The following CTNNA3 variants were observed in gnomAD, a reference collection of about 807,000 sequenced individuals.
CTNNA3 encodes the protein catenin alpha 3, also known as catenin alpha-3.
A neutral mutation model predicts 95.7 loss-of-function variants in CTNNA3; 76 were observed. The ratio of observed to expected loss-of-function variants is 0.79; its 90% CI spans 0.66 to 0.96. CTNNA3 has a LOEUF of 0.96. Among genes scored for constraint, CTNNA3 ranks in the 40% least tolerant of loss-of-function variants. The pLI is 0.00. For synonymous variants in CTNNA3, 431 were observed against 374.4 expected, an observed-to-expected ratio of 1.15 and a Z score of -1.74; for missense variants, 1,191 against 1,089.8, an observed-to-expected ratio of 1.09 and a Z score of -1.31.
chr10:66,819,544 G>A (rs550766181), intron 7 of CTNNA3, among the ~76,000 whole-genome samples: 1 of 151,226 alleles, frequency 6.6e-6, no homozygotes, highest in Non-Finnish European at 1.5e-5. Context: ...ACCCAATCAA[G>A]AAATTGAAAA....
At chr10:66,501,404 C>T (rs1180564924) in intron 11 of CTNNA3, among the ~76,000 whole-genome samples, 1 of 152,086 alleles carries the variant, frequency 6.6e-6, no homozygotes, top group East Asian at 1.9e-4. Flanking sequence ...CCAACAGAAC[C>T]TATTTTAACA....
At chr10:66,194,697 C>T (rs895885812) in intron 13 of CTNNA3, among the ~76,000 whole-genome samples, 2 of 152,144 alleles carry the variant, frequency 1.3e-5, no homozygotes, top group East Asian at 1.9e-4. Context: ...TCTTTTTTCT[C>T]AGATTTATGG....
At chr10:67,218,786 T>C (rs1225475362) in intron 6 of CTNNA3, among the ~76,000 whole-genome samples, 3 of 152,258 alleles carry the variant, frequency 2.0e-5, no homozygotes, top group Non-Finnish European at 4.4e-5. Context: ...CCTGGGTTAC[T>C]ACAATAGCCT....
chr10:67,329,936 G>A (rs2620925), intron 5 of CTNNA3, among the ~76,000 whole-genome samples: 113,009 of 152,114 alleles, frequency 0.74, 44,832 homozygotes, highest in Non-Finnish European at 0.88. Flanking sequence ...CACCTTAGGT[G>A]TGGCCTTATC....
chr10:66,278,525 T>G (rs749618706), intron 13 of CTNNA3, among the ~76,000 whole-genome samples: 2 of 152,028 alleles, frequency 1.3e-5, no homozygotes, highest in African/African-American at 2.4e-5. Flanking sequence ...TACAATAAAT[T>G]GTTCTCCTGC....
chr10:66,754,113 C>A (rs1349925767), intron 9 of CTNNA3, among the ~76,000 whole-genome samples: 1 of 152,110 alleles, frequency 6.6e-6, no homozygotes, highest in East Asian at 1.9e-4. Flanking sequence ...AGGATTCATA[C>A]TTTCTGGTTT....
At chr10:66,909,467 C>A (rs1351118034) in intron 7 of CTNNA3, among the ~76,000 whole-genome samples, 1 of 151,844 alleles carries the variant, frequency 6.6e-6, no homozygotes, top group African/African-American at 2.4e-5. Flanking sequence ...CAAGATTGCA[C>A]CATTACACTC....
intron 7 of CTNNA3, chr10:67,097,475 G>T (rs1858072031): frequency 1.1e-6 from 1 of 876,394 alleles, no homozygotes; most frequent in African/African-American, 1.7e-5. Context: ...GGGCCACAGG[G>T]CCACAGATAT....
At chr10:67,532,150 C>A (rs1038539177) in intron 4 of CTNNA3, among the ~76,000 whole-genome samples, 1 of 152,130 alleles carries the variant, frequency 6.6e-6, no homozygotes, top group East Asian at 1.9e-4. Flanking sequence ...ATCTTAAATA[C>A]CAGTCTTGAC....
chr10:66,900,339 G>A (rs1448736369), intron 7 of CTNNA3, among the ~76,000 whole-genome samples: 1 of 152,028 alleles, frequency 6.6e-6, no homozygotes, highest in Non-Finnish European at 1.5e-5. Context: ...CAACAAAAAG[G>A]ACATCCCCAA....
In CTNNA3 at chr10:67,560,155, C is replaced by T. The variant is rs568338480; in HGVS notation, c.293-20486G>A. Among the ~76,000 whole-genome samples the T allele has an allele frequency of 7.6e-4, 115 of 152,060 alleles. 2 individuals are homozygous for T. Among genetic ancestry groups the T allele is most frequent in the African/African-American group, 2.7e-3 (110 of 41,504 alleles). On this transcript the variant is annotated intron_variant, in intron 3 of 17. Coordinates refer to ENST00000433211, the MANE Select transcript of CTNNA3 (RefSeq NM_013266.4). Reference sequence around the variant, plus strand: ...CAGAGAACACCACAAAGATACTCCTCGAGAAGAGCAACTCCAAGACACATA... The same window carrying T: ...CAGAGAACACCACAAAGATACTCCTTGAGAAGAGCAACTCCAAGACACATA...
In CTNNA3 at chr10:66,957,419, TATATATATGC is replaced by T. The variant is rs1309599439; in HGVS notation, c.1048-181905_1048-181896del. On this transcript the variant is annotated intron_variant, in intron 7 of 17. Transcript: ENST00000433211. Reference sequence around the variant, plus strand: ...ATATATATATATATATATATGCATATATATATATGCATATATATATATGCATATATATATA... The same window carrying T: ...ATATATATATATATATATATGCATATATATATATATATGCATATATATATA... Among the ~76,000 whole-genome samples, 65 of 32,946 alleles carry T rather than the reference TATATATATGC, an allele frequency of 2.0e-3. 2 individuals are homozygous for T. The highest frequency in any genetic ancestry group is 0.015 in the Middle Eastern group (1 of 68). 21.6% of individuals were successfully genotyped at this position (32,946 alleles called of 152,430 possible).
At chr10:67,093,843 G>C (rs1857809314) in intron 7 of CTNNA3, among the ~76,000 whole-genome samples, 1 of 151,746 alleles carries the variant, frequency 6.6e-6, no homozygotes, top group African/African-American at 2.4e-5. Context: ...TCAAATTATG[G>C]CACTAACACA....
chr10:66,383,083 T>A (rs950818050), intron 11 of CTNNA3, among the ~76,000 whole-genome samples: 8 of 152,134 alleles, frequency 5.3e-5, no homozygotes, highest in Admixed American at 3.9e-4. Flanking sequence ...CAAAGCTGGA[T>A]GGAAAATGAC....
At chr10:66,066,409 T>C (rs765812582) in intron 15 of CTNNA3, among the ~76,000 whole-genome samples, 2 of 152,122 alleles carry the variant, frequency 1.3e-5, no homozygotes, top group Non-Finnish European at 2.9e-5. Context: ...TGCTTGTGAT[T>C]ATATGTGTGG....
At chr10:65,943,457 T>A (rs947160023) in intron 17 of CTNNA3, among the ~76,000 whole-genome samples, 4 of 152,192 alleles carry the variant, frequency 2.6e-5, no homozygotes, top group Admixed American at 2.0e-4. Flanking sequence ...CTAAAAGAAG[T>A]AATATTATTT....
intron 1 of CTNNA3, among the ~76,000 whole-genome samples, chr10:67,703,068 T>G (rs2133604729): frequency 6.6e-6 from 1 of 152,258 alleles, no homozygotes; most frequent in East Asian, 1.9e-4. Flanking sequence ...CTCCCAAGAC[T>G]AAACCAGGAA....
rs541215004 is a variant in CTNNA3 at position 67,133,339 on chromosome 10, ACAC to A, written c.1047+46975_1047+46977del. The stretch of plus-strand genomic sequence containing the variant: ...TATATATATATTTATACACACACAC[ACAC>A]AATGGTAGATACATACATACATACA... On this transcript the variant is annotated intron_variant, in intron 7 of 17. Coordinates refer to ENST00000433211, the MANE Select transcript of CTNNA3 (RefSeq NM_013266.4). Among the ~76,000 whole-genome samples the A allele has an allele frequency of 1.4e-3, 149 of 106,684 alleles. 5 individuals carry two copies. Among genetic ancestry groups the A allele is most frequent in the African/African-American group, 5.3e-3 (144 of 27,064 alleles). The allele number at this position is 106,684 out of a possible 152,430, so 70.0% of individuals were successfully genotyped here.
intron 7 of CTNNA3, among the ~76,000 whole-genome samples, chr10:67,040,674 G>A (rs1406329162): frequency 1.3e-5 from 2 of 152,046 alleles, no homozygotes; most frequent in Admixed American, 6.6e-5. Context: ...TGATGGTGAT[G>A]CAAATTAAAA....
Sources: gnomAD v4.1 joint callset for allele counts (sites outside exome capture counted in the v4.1 genomes callset) on GRCh38, gnomAD v4.1.1 for gene constraint, MANE v1.5 for transcripts, NCBI Gene and HGNC (gene_info 2026-07-23, HGNC 2026-07-21) for gene names.